Variants in KRT32 observed in about 807,000 individuals in gnomAD.
KRT32 encodes the protein keratin, type I cuticular Ha2.
In KRT32, 44 loss-of-function variants were observed where a neutral mutation model predicts 41.8. The ratio of observed to expected loss-of-function variants is 1.05; its 90% CI spans 0.83 to 1.35. The LOEUF (loss-of-function observed/expected upper bound fraction) is 1.35. Among genes scored for constraint, KRT32 ranks in the 40% most tolerant of loss-of-function variants. KRT32 has a pLI of 0.00. For synonymous variants in KRT32, 238 were observed against 242.5 expected (o/e 0.98, Z 0.17); for missense variants, 576 against 584.6 (o/e 0.99, Z 0.15).
Position 41,464,439 on chromosome 17 carries a change from A to T in KRT32, c.713T>A (p.Val238Asp), listed in dbSNP as rs760676982. ...CCCAAGCTGGCATCGAAGGGAACCG[A>T]CTTCCTGAAAAGGCACAAGACCTCC... ...MCLKKNHEEE[V>D]GSLRCQLGDR... The change falls in exon 4 of 7, where the codon GTC becomes GAC. Residue 238 changes from valine to aspartate, a missense_variant. Physicochemically the swap from Val to Asp is radical, Grantham distance 152 (BLOSUM62 -3). Transcript: ENST00000225899. 9 of 1,555,764 alleles carry T rather than the reference A, an allele frequency of 5.8e-6. No homozygotes were observed. In the South Asian group the frequency reaches 1.1e-4, roughly 19 times the overall value.
At chr17:41,464,583 G>T in intron 3 of KRT32, 140 bp from the exon 4 acceptor site, 1 of 715,770 alleles carries the variant, frequency 1.4e-6, no homozygotes, top group Non-Finnish European at 2.1e-6. Context: ...AGTCCACTCA[G>T]CAGCATCCCA....
rs2857258 is a variant in KRT32 at position 41,462,826 on chromosome 17, G to A, written c.1217+4C>T. Reference sequence around the variant, plus strand: ...CTCTCTAAGCCTCAGCTGGGCCTGCGTACTTGCAGTCCTCGTTCTCCAGCA... The same window carrying A: ...CTCTCTAAGCCTCAGCTGGGCCTGCATACTTGCAGTCCTCGTTCTCCAGCA... On this transcript the variant is annotated splice_donor_region_variant and intron_variant, in intron 6 of 6. Transcript: ENST00000225899. 0.083 allele frequency: 134,179 copies of A among 1,612,686 alleles called. 6,064 individuals are homozygous for A. Among genetic ancestry groups the A allele is most frequent in the African/African-American group, 0.096 (7,186 of 74,960 alleles).
chr17:41,462,777 ACCTCCCAGAATC>A, intron 6 of KRT32, 41 bp downstream of exon 6: 1 of 1,593,286 alleles, frequency 6.3e-7, no homozygotes, highest in South Asian at 1.1e-5. Context: ...GCTTCCTATA[ACCTCCCAGAATC>A]CCTGCCCACG....
intron 1 of KRT32, 135 bp downstream of exon 1, chr17:41,466,723 A>G: frequency 1.5e-6 from 1 of 655,034 alleles, no homozygotes; most frequent in Admixed American, 3.0e-5. Context: ...TGCTCAAATT[A>G]TAAAATAACC....
chr17:41,462,958 G>T lies in KRT32; in HGVS notation c.1089C>A (p.Ala363=). Residue 363 remains alanine (A), a synonymous_variant, in exon 6 of 7, where the codon GCC becomes GCA. Coordinates refer to ENST00000225899, the MANE Select transcript of KRT32 (RefSeq NM_002278.3). ...GGTCAGCCCGGATCTCAGCCAGCTGGGCCTCAACGTTGGTGATCATGCACT... is the reference window on the plus strand; with the variant it reads ...GGTCAGCCCGGATCTCAGCCAGCTGTGCCTCAACGTTGGTGATCATGCACT... ...QMQCMITNVE[A]QLAEIRADLE... 6.2e-7 allele frequency: 1 copy of T among 1,614,032 alleles called. No homozygotes were observed. Among genetic ancestry groups the T allele is most frequent in the South Asian group, 1.1e-5 (1 of 91,070 alleles).
At position 41,463,041 on chromosome 17, in the gene KRT32, G is replaced by C; in HGVS notation, c.1006C>G (p.Leu336Val). ...TCACTCTCCGTCAGCGTGTTTTCCA[G>C]GGAGTCCCTCTAAGGCAAAGGAAGA... Reference protein sequence around the residue: ...LQAQHSLRDSLENTLTESEAR... With the variant: ...LQAQHSLRDSVENTLTESEAR... The change falls in exon 6 of 7, where the codon CTG (leucine) becomes GTG (valine). Residue 336 changes from leucine (L) to valine (V), a missense_variant. Leu to Val is a conservative substitution (Grantham distance 32, BLOSUM62 1). Transcript: ENST00000225899. 6.2e-7 allele frequency: 1 copy of C among 1,612,964 alleles called. No homozygotes were observed.
chr17:41,463,571 G>T (rs1597741606), intron 5 of KRT32, among the ~76,000 whole-genome samples: 1 of 152,170 alleles, frequency 6.6e-6, no homozygotes, highest in East Asian at 1.9e-4. Context: ...AGGGCATAGT[G>T]GTGCACACCT....
intron 5 of KRT32, among the ~76,000 whole-genome samples, chr17:41,463,723 C>T (rs541450592): frequency 6.7e-6 from 1 of 148,916 alleles, no homozygotes; most frequent in South Asian, 2.1e-4. Flanking sequence ...AAAAAAATAG[C>T]TGTGATCAGG....
rs989634063 is a variant in KRT32, at chr17:41,464,213, G to A, written c.871-10C>T. ...GGTTAAGCTCCTCCATCTGCAGTTG[G>A]GGGAAGGAGAAGGCTAGAGTCCCTT... On this transcript the variant is annotated splice_polypyrimidine_tract_variant and intron_variant, in intron 4 of 6. Transcript: ENST00000225899. The A allele has an allele frequency of 3.8e-6, 6 of 1,598,064 alleles. No individual in the cohort carries two copies. The African/African-American group carries it at 8.0e-5, about 21-fold the overall frequency.
At chr17:41,463,363 G>T (rs1397401610) in intron 5 of KRT32, among the ~76,000 whole-genome samples, 1 of 152,188 alleles carries the variant, frequency 6.6e-6, no homozygotes, top group Non-Finnish European at 1.5e-5. Flanking sequence ...TAGAACAGGG[G>T]TTTTCAAACC....
Position 41,462,892 on chromosome 17 carries a change from G to A in KRT32, c.1155C>T (p.Val385=). 2 of 1,595,400 alleles carry A rather than the reference G, an allele frequency of 1.3e-6. No homozygotes were observed. Among genetic ancestry groups the A allele is most frequent in the Non-Finnish European group, 1.7e-6 (2 of 1,171,090 alleles). The change falls in exon 6 of 7, where the codon GTC becomes GTT. Residue 385 remains valine, a synonymous_variant. Coordinates refer to ENST00000225899, the MANE Select transcript of KRT32 (RefSeq NM_002278.3). ...QNQEYQVLLD[V]RARLEGEINT... ...TGATCTCGCCCTCCAGCCGGGCCCG[G>A]ACGTCCAGCAGCACCTGGTACTCCT... is the stretch of plus-strand genomic sequence containing the variant.
rs756423581 is a variant in KRT32, at chr17:41,465,796, A to G, written c.685T>C (p.Cys229Arg). The change falls in exon 3 of 7, where the codon TGC (cysteine) becomes CGC (arginine). Residue 229 changes from cysteine (C) to arginine (R), a missense_variant. Coordinates refer to ENST00000225899, the MANE Select transcript of KRT32 (RefSeq NM_002278.3). ...QVESLKEELMCLKKNHEEEVG... is the reference protein window; with the variant it reads ...QVESLKEELMRLKKNHEEEVG... ...ACCTCCTCATGGTTCTTTTTGAGGC[A>G]CATCAGCTCCTCCTTCAGGGACTCA... 18 of 1,611,938 alleles carry G rather than the reference A, an allele frequency of 1.1e-5. No individual in the cohort carries two copies. The East Asian group carries it at 3.3e-4, about 30-fold the overall frequency.
rs573513979 is a variant in KRT32, at chr17:41,464,165, C to T, written c.909G>A (p.Glu303=). The T allele has an allele frequency of 1.9e-6, 3 of 1,612,664 alleles. No individual in the cohort carries two copies. The highest frequency in any genetic ancestry group is 2.2e-5 in the East Asian group (1 of 44,854). ...ELNQQVATSS[E]QLQNYQSDII... is the part of the protein sequence containing the mutation. The stretch of plus-strand genomic sequence containing the variant: ...TGTCTGACTGGTAGTTCTGAAGCTG[C>T]TCAGAGCTTGTGGCCACCTGTTGGT... Residue 303 remains glutamate, a synonymous_variant, in exon 5 of 7, where the codon GAG becomes GAA. Coordinates refer to ENST00000225899, the MANE Select transcript of KRT32 (RefSeq NM_002278.3).
At chr17:41,464,048 AG>A in intron 5 of KRT32, 29 bp downstream of exon 5, 1 of 1,541,372 alleles carries the variant, frequency 6.5e-7, no homozygotes, top group Non-Finnish European at 8.7e-7. Context: ...TAGGATCCGG[AG>A]GGATGGGTGC....
intron 3 of KRT32, 29 bp from the exon 4 acceptor site, chr17:41,464,472 T>C: frequency 6.6e-7 from 1 of 1,518,640 alleles, no homozygotes; most frequent in South Asian, 1.3e-5. Flanking sequence ...TCCAGAAAAA[T>C]GTGACAATGA....
intron 5 of KRT32, among the ~76,000 whole-genome samples, chr17:41,463,578 A>G (rs2857256): frequency 0.63 from 96,475 of 151,936 alleles, 30,723 homozygotes; most frequent in East Asian, 0.65. Flanking sequence ...AGTGGTGCAC[A>G]CCTGTAATCC....
At chr17:41,465,175 A>C (rs2019053239) in intron 3 of KRT32, among the ~76,000 whole-genome samples, 1 of 152,156 alleles carries the variant, frequency 6.6e-6, no homozygotes, top group South Asian at 2.1e-4. Context: ...TCAGGAGATA[A>C]GGAAAAATCA....
In KRT32 at chr17:41,467,379, A is replaced by G. The variant is rs1394082021; in HGVS notation, c.-54T>C. ...AGCTACCTGGATGTCTACAGACCCC[A>G]TGCCGCCCGGGCCATTTTATGCCCT... On this transcript the variant is annotated 5_prime_UTR_variant, in exon 1 of 7. An upstream start codon of the reference 5' UTR is lost. Coordinates refer to ENST00000225899, the MANE Select transcript of KRT32 (RefSeq NM_002278.3). The G allele has an allele frequency of 4.4e-6, 6 of 1,369,900 alleles. No homozygotes were observed. Among genetic ancestry groups the G allele is most frequent in the Non-Finnish European group, 6.0e-6 (6 of 1,006,472 alleles). The allele number at this position is 1,369,900 out of a possible 1,614,324, so 84.9% of individuals were successfully genotyped here.
intron 5 of KRT32, 133 bp from the exon 6 acceptor site, chr17:41,463,183 G>A (rs4796769): frequency 0.63 from 489,248 of 781,566 alleles, 154,072 homozygotes; most frequent in East Asian, 0.69. Flanking sequence ...CTTTGGAAAC[G>A]GAAGCCCAGA....
Sources: gnomAD v4.1 joint callset for allele counts (sites outside exome capture counted in the v4.1 genomes callset) on GRCh38, gnomAD v4.1.1 for gene constraint, MANE v1.5 for transcripts, NCBI Gene and HGNC (gene_info 2026-07-23, HGNC 2026-07-21) for gene names.